The following PRDM2 variants were observed in gnomAD, a reference collection of about 807,000 sequenced individuals.
The protein encoded by PRDM2 is PR/SET domain 2.
In PRDM2, 30 loss-of-function variants were observed where a neutral mutation model predicts 130.0. That is an observed-to-expected ratio of 0.23 (90% CI 0.17 to 0.31). The LOEUF (loss-of-function observed/expected upper bound fraction) is 0.31. Ranked by LOEUF, PRDM2 falls within the 10% of genes least tolerant of loss-of-function variation. The pLI is 1.00. For synonymous variants in PRDM2, 871 were observed against 782.4 expected (o/e 1.11, Z -1.89); for missense variants, 2,011 against 2,108.4 (o/e 0.95, Z 0.90).
intron 5 of PRDM2, among the ~76,000 whole-genome samples, chr1:13,743,200 C>T (rs1011723785): frequency 1.3e-5 from 2 of 151,978 alleles, no homozygotes; most frequent in Non-Finnish European, 2.9e-5. Context: ...GAGATTGAGA[C>T]CATCCTGGCT....
intron 6 of PRDM2, among the ~76,000 whole-genome samples, chr1:13,750,970 C>G (rs1643814719): frequency 6.6e-6 from 1 of 152,134 alleles, no homozygotes; most frequent in Admixed American, 6.5e-5. Flanking sequence ...GAGGACAGTA[C>G]CCTCTTTACT....
chr1:13,731,014 T>C lies in PRDM2; in HGVS notation c.24T>C (p.Pro8=). Residue 8 remains proline, a synonymous_variant, in exon 3 of 10, where the codon CCT becomes CCC. Coordinates refer to ENST00000311066, the MANE Select transcript of PRDM2 (RefSeq NM_001393986.1). ...TTGACTTGCAGAACACTACTGAGCC[T>C]GTGGCGGCCACCGAGACCCTGGCTG... MNQNTTE[P]VAATETLAEV... The C allele has an allele frequency of 6.3e-7, 1 of 1,599,906 alleles. No homozygotes were observed. Among genetic ancestry groups the C allele is most frequent in the Non-Finnish European group, 8.5e-7 (1 of 1,174,932 alleles).
intron 5 of PRDM2, among the ~76,000 whole-genome samples, chr1:13,746,687 G>GCTGTGACTAC (rs1369768505): frequency 6.6e-6 from 1 of 152,038 alleles, no homozygotes; most frequent in Non-Finnish European, 1.5e-5. Flanking sequence ...CTCCTGAATA[G>GCTGTGACTAC]CTGTGACTAC....
intron 9 of PRDM2, among the ~76,000 whole-genome samples, chr1:13,817,099 A>T (rs1645269924): frequency 6.6e-6 from 1 of 152,224 alleles, no homozygotes. Flanking sequence ...TAATCCAAAA[A>T]TCCAAAATCT....
chr1:13,774,496 T>C (rs984205926), intron 7 of PRDM2, among the ~76,000 whole-genome samples: 3 of 152,222 alleles, frequency 2.0e-5, no homozygotes, highest in African/African-American at 7.2e-5. Context: ...TTTCCCAGAG[T>C]CTTAAGACTA....
At chr1:13,742,296 G>C in intron 5 of PRDM2, 139 bp downstream of exon 5, 1 of 965,930 alleles carries the variant, frequency 1.0e-6, no homozygotes, top group Non-Finnish European at 1.5e-6. Context: ...AGCCTCCCCA[G>C]CCTTGGGCGA....
At chr1:13,802,009 T>C (rs1645015163) in intron 8 of PRDM2, among the ~76,000 whole-genome samples, 2 of 152,200 alleles carry the variant, frequency 1.3e-5, no homozygotes, top group Admixed American at 1.3e-4. Context: ...CGTAGGCTCC[T>C]CGTGTGTAAG....
At position 13,801,371 on chromosome 1, in the gene PRDM2, A is replaced by AG. The variant is rs535778780; in HGVS notation, c.5037-15056_5037-15055insG. Among the ~76,000 whole-genome samples, 109 of 152,308 alleles carry AG rather than the reference A, an allele frequency of 7.2e-4. 1 individual carries two copies. Among genetic ancestry groups the AG allele is most frequent in the African/African-American group, 2.5e-3 (105 of 41,566 alleles). On this transcript the variant is annotated intron_variant, in intron 8 of 9. Coordinates refer to ENST00000311066, the MANE Select transcript of PRDM2 (RefSeq NM_001393986.1). ...AGCGGTCAGTGGCTATCAGATAACT[A>AG]AGGGAAATATGTTTGGGGTAGATGA...
At chr1:13,802,555 C>A (rs553627765) in intron 8 of PRDM2, among the ~76,000 whole-genome samples, 1 of 152,178 alleles carries the variant, frequency 6.6e-6, no homozygotes, top group Admixed American at 6.5e-5. Flanking sequence ...AAACCACACA[C>A]GGGGTGAGCT....
rs747615387 is a variant in PRDM2, at chr1:13,779,535, T to C, written c.1740T>C (p.Thr580=). Reference sequence around the variant, plus strand: ...GTAAAATTCAAACTAATAACAACACTAGTAACTGTGATGTGATTGAGATGG... The same window carrying C: ...GTAAAATTCAAACTAATAACAACACCAGTAACTGTGATGTGATTGAGATGG... ...IDGKIQTNNN[T]SNCDVIEMES... The change falls in exon 8 of 10, where the codon ACT becomes ACC. Residue 580 remains threonine, a synonymous_variant. Coordinates refer to ENST00000311066, the MANE Select transcript of PRDM2 (RefSeq NM_001393986.1). This position sits in a 1 kb window ranked among gnomAD's most constrained non-coding sequence, Gnocchi z 4.9. The C allele has an allele frequency of 3.2e-5, 51 of 1,613,782 alleles. No homozygotes were observed. The highest frequency in any genetic ancestry group is 2.5e-6 in the Non-Finnish European group (3 of 1,179,748).
intron 6 of PRDM2, among the ~76,000 whole-genome samples, chr1:13,764,931 G>T (rs185478128): frequency 6.6e-6 from 1 of 152,190 alleles, no homozygotes; most frequent in Admixed American, 6.5e-5. Context: ...GAGCTTAACA[G>T]AATTTTTTAC....
intron 2 of PRDM2, among the ~76,000 whole-genome samples, chr1:13,724,445 C>T (rs1557601048): frequency 6.6e-6 from 1 of 151,720 alleles, no homozygotes; most frequent in Non-Finnish European, 1.5e-5. Flanking sequence ...ACTGCTCACA[C>T]TCTTTTCACA....
chr1:13,781,129 C>G lies in PRDM2; in HGVS notation c.3334C>G (p.Pro1112Ala). The G allele has an allele frequency of 1.9e-6, 3 of 1,614,172 alleles. No individual in the cohort carries two copies. The highest frequency in any genetic ancestry group is 2.5e-6 in the Non-Finnish European group (3 of 1,180,018). ...GGAATTAGAGAATGAAGGTCTGAAA[C>G]CCAGGGAAGAGCCCCAGTCTGCTGC... Reference protein sequence around the residue: ...QEELENEGLKPREEPQSAAEQ... With the variant: ...QEELENEGLKAREEPQSAAEQ... The change falls in exon 8 of 10, where the codon CCC (proline) becomes GCC (alanine). Residue 1112 changes from proline (P) to alanine (A), a missense_variant. Coordinates refer to ENST00000311066, the MANE Select transcript of PRDM2 (RefSeq NM_001393986.1). The surrounding 1 kb of genome is among the most constrained non-coding windows in gnomAD (Gnocchi z 6.1).
chr1:13,760,755 T>G (rs1388229791), intron 6 of PRDM2, among the ~76,000 whole-genome samples: 1 of 152,114 alleles, frequency 6.6e-6, no homozygotes, highest in Non-Finnish European at 1.5e-5. Flanking sequence ...ATAGGAACAT[T>G]CCTGGCACAC....
intron 2 of PRDM2, among the ~76,000 whole-genome samples, chr1:13,726,935 C>T (rs572049402): frequency 8.5e-5 from 13 of 152,156 alleles, no homozygotes; most frequent in South Asian, 2.1e-4. Flanking sequence ...GGGTGCCTTG[C>T]GGAGCTTGCG....
At position 13,712,900 on chromosome 1, in the gene PRDM2, C is replaced by T. The variant is rs148327747; in HGVS notation, c.-65-2641C>T. Among the ~76,000 whole-genome samples the T allele has an allele frequency of 2.6e-5, 4 of 152,354 alleles. No individual in the cohort carries two copies. The East Asian group carries it at 5.8e-4, about 22-fold the overall frequency. ...CTTGGTTAGACTGGGCATCAGCCTC[C>T]GACATTGCCTCTTCATGCGCCCCTC... On this transcript the variant is annotated intron_variant, in intron 1 of 9. Coordinates refer to ENST00000311066, the MANE Select transcript of PRDM2 (RefSeq NM_001393986.1).
chr1:13,742,072 G>A lies in PRDM2; in HGVS notation c.299G>A (p.Arg100Gln). 7 of 1,606,772 alleles carry A rather than the reference G, an allele frequency of 4.4e-6. No homozygotes were observed. Among genetic ancestry groups the A allele is most frequent in the Admixed American group, 1.7e-5 (1 of 60,016 alleles). The part of the protein sequence containing the change: ...ATDPEKGNWL[R>Q]YVNWACSGEE... The stretch of plus-strand genomic sequence containing the variant: ...GATCCAGAGAAGGGAAACTGGCTGC[G>A]ATATGTGAATTGGGCTTGCTCAGGA... The change falls in exon 5 of 10, where the codon CGA (arginine) becomes CAA (glutamine). Residue 100 changes from arginine (R) to glutamine (Q), a missense_variant. Transcript: ENST00000311066.
chr1:13,722,804 A>T, intron 2 of PRDM2: 1 of 515,140 alleles, frequency 1.9e-6, no homozygotes. Flanking sequence ...AAGCCAGCAG[A>T]CCAATGACTA....
At chr1:13,791,637 TATA>T (rs1644841099) in intron 8 of PRDM2, among the ~76,000 whole-genome samples, 1 of 152,214 alleles carries the variant, frequency 6.6e-6, no homozygotes, top group Non-Finnish European at 1.5e-5. Flanking sequence ...ATTTTTAAAG[TATA>T]GGATTAGAAC....
Sources: allele counts gnomAD v4.1 joint callset (sites outside exome capture counted in the v4.1 genomes callset), GRCh38; gene constraint gnomAD v4.1.1; non-coding constraint Gnocchi (gnomAD v3.1); transcripts MANE v1.5; gene names NCBI Gene and HGNC (gene_info 2026-07-23, HGNC 2026-07-21).